Variants in ZBTB25 observed in about 807,000 individuals in gnomAD.
ZBTB25 encodes zinc finger and BTB domain containing 25.
ZBTB25 carries 20 observed loss-of-function variants against 34.2 expected under a neutral mutation model. The observed-to-expected ratio is 0.58, with a 90% confidence interval of 0.41 to 0.85. The LOEUF is 0.85. ZBTB25 is among the 40% of genes least tolerant of loss of function. The probability of loss-of-function intolerance (pLI) is 0.00; values close to 1 mark genes in which losing one functional copy is unlikely to be tolerated. For synonymous variants in ZBTB25, 175 were observed against 186.4 expected, an observed-to-expected ratio of 0.94 and a Z score of 0.50; for missense variants, 437 against 521.8, an observed-to-expected ratio of 0.84 and a Z score of 1.58.
chr14:64,495,075 ATCT>A, intron 1 of ZBTB25, among the ~76,000 whole-genome samples: 1 of 152,324 alleles, frequency 6.6e-6, no homozygotes, highest in African/African-American at 2.4e-5. Flanking sequence ...GCTGCTTTAA[ATCT>A]TCTCTGCTAA....
intron 1 of ZBTB25, chr14:64,502,607 G>A: frequency 3.1e-6 from 3 of 983,264 alleles, no homozygotes; most frequent in Non-Finnish European, 3.6e-6. Context: ...CAGTGGCCAT[G>A]CCTGACTTCT....
chr14:64,490,571 G>T (rs933437652), intron 1 of ZBTB25, 31 bp from the exon 2 acceptor site: 3 of 1,564,954 alleles, frequency 1.9e-6, no homozygotes, highest in East Asian at 2.3e-5. Context: ...AATGTAGATA[G>T]GTGTGTATGT....
chr14:64,493,065 A>ATC (rs1566609347), intron 1 of ZBTB25, among the ~76,000 whole-genome samples: 1 of 152,252 alleles, frequency 6.6e-6, no homozygotes. Flanking sequence ...GAATAGTTAG[A>ATC]TAACAGAAGG....
intron 1 of ZBTB25, among the ~76,000 whole-genome samples, chr14:64,499,008 A>C (rs1380731393): frequency 6.6e-6 from 1 of 152,204 alleles, no homozygotes; most frequent in Non-Finnish European, 1.5e-5. Context: ...CCTCAGAAGA[A>C]CACGGGACCA....
At chr14:64,503,372 C>T (rs2079563308) in intron 1 of ZBTB25, 1 of 985,238 alleles carries the variant, frequency 1.0e-6, no homozygotes, top group South Asian at 4.7e-5. Flanking sequence ...GCGGCCGGGA[C>T]GGCTCTGCAC....
rs142848401 is a variant in ZBTB25 at position 64,491,665 on chromosome 14, G to A, written c.-7-1125C>T. ...TCAGAAGTGCCCTGGTTTCAGGCAG[G>A]TGGCAGACTGTACATCATCTTCTCT... On this transcript the variant is annotated intron_variant, in intron 1 of 2. Coordinates refer to ENST00000608382, the MANE Select transcript of ZBTB25 (RefSeq NM_006977.5). Among the ~76,000 whole-genome samples, 123 of 152,332 alleles carry A rather than the reference G, an allele frequency of 8.1e-4. 1 individual carries two copies. The highest frequency in any genetic ancestry group is 2.9e-3 in the African/African-American group (120 of 41,568).
At chr14:64,492,483 G>A (rs759705075) in intron 1 of ZBTB25, among the ~76,000 whole-genome samples, 11 of 151,890 alleles carry the variant, frequency 7.2e-5, no homozygotes, top group Non-Finnish European at 1.0e-4. Context: ...ATGAGCCACC[G>A]TGCCCGGCCT....
rs201700674 is a variant in ZBTB25 at position 64,487,853 on chromosome 14, T to C, written c.378A>G (p.Ser126=). The change falls in exon 3 of 3, where the codon TCA becomes TCG. Residue 126 remains serine, a synonymous_variant. Transcript: ENST00000608382. ...QVFSPETVQS[S]NLYGIQISTT... ...TTGAGATCTGAATGCCATATAAATT[T>C]GAGGACTGCACAGTCTCTGGTGAGA... 1.2e-6 allele frequency: 2 copies of C among 1,614,196 alleles called. No individual in the cohort carries two copies. The highest frequency in any genetic ancestry group is 1.7e-5 in the Admixed American group (1 of 60,018).
chr14:64,472,647 G>A (rs779703546), intron 2 of ZBTB25: 1 of 166,930 alleles, frequency 6.0e-6, no homozygotes. Context: ...AAGGAATTCC[G>A]AAATTAACTG....
At position 64,503,046 on chromosome 14, in the gene ZBTB25, C is replaced by CT. The variant is rs531897284; in HGVS notation, c.-8+614dup. Reference sequence around the variant, plus strand: ...GTCAGGTTCCAGGTACTACGTTGTGCTATGCGCTGCCTCCGCAACTGGTAA... The same window carrying CT: ...GTCAGGTTCCAGGTACTACGTTGTGCTTATGCGCTGCCTCCGCAACTGGTAA... On this transcript the variant is annotated intron_variant, in intron 1 of 2. Coordinates refer to ENST00000608382, the MANE Select transcript of ZBTB25 (RefSeq NM_006977.5). 2.4e-5 allele frequency: 24 copies of CT among 985,414 alleles called. No homozygotes were observed. In the Middle Eastern group the frequency reaches 1.6e-3, roughly 64 times the overall value. 61.0% of individuals were successfully genotyped at this position (985,414 alleles called of 1,614,324 possible).
At chr14:64,468,360 TAC>T (rs2078632861) in intron 2 of ZBTB25, 9 of 1,535,238 alleles carry the variant, frequency 5.9e-6, no homozygotes, top group Non-Finnish European at 7.9e-6. Context: ...GAAGAGAGAA[TAC>T]AGTTTTCTAG....
At chr14:64,473,438 ATTG>A (rs960960569), downstream of ZBTB25, 2 of 167,116 alleles carry the variant, frequency 1.2e-5, no homozygotes, top group Non-Finnish European at 2.9e-5. Context: ...CTTCTGAGAG[ATTG>A]TTATTTCACC....
intron 1 of ZBTB25, among the ~76,000 whole-genome samples, chr14:64,500,454 C>CAAAAAAA (rs374975040): frequency 1.9e-4 from 10 of 52,074 alleles, no homozygotes; most frequent in African/African-American, 6.5e-4. Flanking sequence ...CCCAATAAAG[C>CAAAAAAA]AAAAAAAAAA....
At chr14:64,488,320 T>G (rs1318231731) in intron 2 of ZBTB25, among the ~76,000 whole-genome samples, 1 of 152,048 alleles carries the variant, frequency 6.6e-6, no homozygotes, top group Non-Finnish European at 1.5e-5. Context: ...ATTAATCAAG[T>G]GACTCCTAAG....
At chr14:64,477,723 A>AT (rs869099726), downstream of ZBTB25, among the ~76,000 whole-genome samples, 7 of 151,810 alleles carry the variant, frequency 4.6e-5, no homozygotes, top group East Asian at 1.9e-4. Context: ...TCAAAAAAAA[A>AT]TTTTTTTTTA....
At chr14:64,501,239 C>T (rs1254325782) in intron 1 of ZBTB25, among the ~76,000 whole-genome samples, 3 of 152,180 alleles carry the variant, frequency 2.0e-5, no homozygotes, top group Non-Finnish European at 4.4e-5. Flanking sequence ...ATAATAAATA[C>T]TATATGCGAG....
intron 2 of ZBTB25, chr14:64,471,992 C>T (rs977306774): frequency 1.8e-5 from 3 of 166,252 alleles, no homozygotes; most frequent in Non-Finnish European, 4.4e-5. Context: ...AAAAATATTT[C>T]CCCCAGATTT....
intron 2 of ZBTB25, among the ~76,000 whole-genome samples, chr14:64,457,144 CAA>C (rs2078487489): frequency 6.6e-6 from 1 of 152,156 alleles, no homozygotes; most frequent in Admixed American, 6.5e-5. Context: ...AGATTATGTA[CAA>C]AAGTGTCTTG....
chr14:64,503,033 G>C (rs1238331780), intron 1 of ZBTB25: 2 of 985,310 alleles, frequency 2.0e-6, no homozygotes, highest in Non-Finnish European at 1.2e-6. Context: ...CAGGTTCCAG[G>C]TACTACGTTG....
Sources: allele counts gnomAD v4.1 joint callset (sites outside exome capture counted in the v4.1 genomes callset), GRCh38; gene constraint gnomAD v4.1.1; transcripts MANE v1.5; gene names NCBI Gene and HGNC (gene_info 2026-07-23, HGNC 2026-07-21).